AFF2: variants seen among roughly 807,000 people sequenced by gnomAD.
The protein encoded by AFF2 is AF4/FMR2 family member 2.
In AFF2, 14 loss-of-function variants were observed where a neutral mutation model predicts 76.9. The observed-to-expected ratio is 0.18, with a 90% CI of 0.12 to 0.28. The LOEUF is 0.28. Among genes scored for constraint, AFF2 ranks in the 10% least tolerant of loss-of-function variants. The pLI, the probability that AFF2 is intolerant of heterozygous loss-of-function variation, is 1.00. For synonymous variants in AFF2, 398 were observed against 366.7 expected (o/e 1.09, Z -0.98); for missense variants, 868 against 1,001.1 (o/e 0.87, Z 1.79).
At chrX:148,712,367 A>G (rs188486417) in intron 3 of AFF2, among the ~76,000 whole-genome samples, 297 of 111,790 alleles carry the variant, frequency 2.7e-3, no homozygotes, top group African/African-American at 8.4e-3. Context: ...TTGCATTTGT[A>G]AAGTTGTAAA....
At chrX:148,515,463 G>C (rs2052525052) in intron 1 of AFF2, among the ~76,000 whole-genome samples, 1 of 112,070 alleles carries the variant, frequency 8.9e-6, no homozygotes, top group African/African-American at 3.2e-5. Flanking sequence ...TTCATAAATA[G>C]GCAATGGATA....
chrX:148,979,271 T>C (rs782026969), intron 18 of AFF2, among the ~76,000 whole-genome samples: 1 of 112,310 alleles, frequency 8.9e-6, no homozygotes, highest in African/African-American at 3.2e-5. Flanking sequence ...TATGGCCTTA[T>C]GTGAAACATG....
At chrX:148,970,278 G>A (rs1346126741) in intron 15 of AFF2, among the ~76,000 whole-genome samples, 1 of 112,036 alleles carries the variant, frequency 8.9e-6, no homozygotes, top group Admixed American at 9.5e-5. Context: ...AACATTTATT[G>A]TAAAAAGTCA....
chrX:148,872,566 G>A (rs1259091051), intron 7 of AFF2, among the ~76,000 whole-genome samples: 11 of 111,812 alleles, frequency 9.8e-5, no homozygotes, highest in South Asian at 3.7e-4. Context: ...TGTCTATTCC[G>A]CGATGGTTAA....
intron 9 of AFF2, among the ~76,000 whole-genome samples, chrX:148,930,465 C>T (rs1427180448): frequency 8.9e-6 from 1 of 111,986 alleles, no homozygotes; most frequent in Non-Finnish European, 1.9e-5. Flanking sequence ...CTGAGCCAGC[C>T]TAGGCCATTG....
chrX:148,870,129 C>G (rs1406574609), intron 7 of AFF2, among the ~76,000 whole-genome samples: 4 of 111,288 alleles, frequency 3.6e-5, no homozygotes, highest in African/African-American at 1.3e-4. Flanking sequence ...CTGCACAGTT[C>G]TGTCCCATCC....
intron 3 of AFF2, among the ~76,000 whole-genome samples, chrX:148,705,415 G>T (rs1190944453): frequency 8.9e-6 from 1 of 112,207 alleles, no homozygotes; most frequent in Non-Finnish European, 1.9e-5. Flanking sequence ...CCAGGAGAAA[G>T]TGTATTATTT....
chrX:148,721,317 C>G (rs2055090101), intron 3 of AFF2, among the ~76,000 whole-genome samples: 1 of 112,011 alleles, frequency 8.9e-6, no homozygotes, highest in Non-Finnish European at 1.9e-5. Flanking sequence ...AACACTGGCT[C>G]TACCATTTAT....
At chrX:148,655,285 C>CTTTT (rs781858368) in intron 2 of AFF2, among the ~76,000 whole-genome samples, 3 of 102,214 alleles carry the variant, frequency 2.9e-5, no homozygotes, top group Admixed American at 1.1e-4. Flanking sequence ...AAACCTTGTC[C>CTTTT]TTTTTTTTTT....
At chrX:148,634,236 G>A (rs914507927) in intron 1 of AFF2, among the ~76,000 whole-genome samples, 5 of 111,909 alleles carry the variant, frequency 4.5e-5, no homozygotes, top group African/African-American at 1.6e-4. Flanking sequence ...ATTGGAAGAT[G>A]TATCATCATC....
chrX:148,912,303 G>A (rs782086360), intron 9 of AFF2, among the ~76,000 whole-genome samples: 8 of 111,785 alleles, frequency 7.2e-5, no homozygotes, highest in African/African-American at 2.6e-4. Flanking sequence ...CCCCCCATCA[G>A]GCCCTGGTGT....
At chrX:148,957,098 C>T in intron 11 of AFF2, among the ~76,000 whole-genome samples, 1 of 112,023 alleles carries the variant, frequency 8.9e-6, no homozygotes, top group Non-Finnish European at 1.9e-5. Context: ...AGCTGAATTC[C>T]AAGGCTATAA....
At chrX:148,877,460 A>G (rs1333429311) in intron 7 of AFF2, among the ~76,000 whole-genome samples, 1 of 112,769 alleles carries the variant, frequency 8.9e-6, no homozygotes, top group Non-Finnish European at 1.9e-5. Context: ...AGAGCTGAGC[A>G]TACAAATCAG....
At chrX:148,546,882 T>G (rs1557238234) in intron 1 of AFF2, 1 of 112,154 alleles carries the variant, frequency 8.9e-6, no homozygotes, top group Non-Finnish European at 1.9e-5. Flanking sequence ...AAAAAAGATA[T>G]TACTACTTTA....
In AFF2 at chrX:148,791,744, A is replaced by T. The variant is rs190796045; in HGVS notation, c.1042-18132A>T. ...AGCTCCACATTGTATTTTTTGTATG[A>T]TTAATTTGAAGTGATTGTATTGGCC... On this transcript the variant is annotated intron_variant, in intron 3 of 20. Transcript: ENST00000370460. Among the ~76,000 whole-genome samples, 268 of 111,631 alleles carry T rather than the reference A, an allele frequency of 2.4e-3. 3 individuals are homozygous for T. Among genetic ancestry groups the T allele is most frequent in the African/African-American group, 8.4e-3 (257 of 30,745 alleles).
chrX:148,649,210 T>C (rs2054178679), intron 1 of AFF2, among the ~76,000 whole-genome samples: 1 of 111,868 alleles, frequency 8.9e-6, no homozygotes. Context: ...ATTGAGTAGA[T>C]AAAGAGGTCC....
chrX:148,766,758 C>G (rs2069524599), intron 3 of AFF2, among the ~76,000 whole-genome samples: 1 of 111,435 alleles, frequency 9.0e-6, no homozygotes, highest in Non-Finnish European at 1.9e-5. Flanking sequence ...TCTGATCCAT[C>G]AAGGATTATT....
Position 148,689,537 on chromosome X carries a change from TC to T in AFF2, c.1041+26771del, listed in dbSNP as rs1243592162. On this transcript the variant is annotated intron_variant, in intron 3 of 20. Coordinates refer to ENST00000370460, the MANE Select transcript of AFF2 (RefSeq NM_002025.4). ...AAGTGTGTGTGGTCCCCAGGACCAC[TC>T]CTGGGCAATGAGTTTCTCTTTTTCT... Among the ~76,000 whole-genome samples, 3 of 110,833 alleles carry T rather than the reference TC, an allele frequency of 2.7e-5. No homozygotes were observed. In the East Asian group the frequency reaches 8.6e-4, roughly 32 times the overall value.
At chrX:148,665,300 A>G (rs1027869316) in intron 3 of AFF2, among the ~76,000 whole-genome samples, 1 of 112,276 alleles carries the variant, frequency 8.9e-6, no homozygotes, top group Admixed American at 9.4e-5. Flanking sequence ...AGCTGTCATC[A>G]GCTCTGGAGA....
Sources: allele counts gnomAD v4.1 joint callset (sites outside exome capture counted in the v4.1 genomes callset), GRCh38; gene constraint gnomAD v4.1.1; transcripts MANE v1.5; gene names NCBI Gene and HGNC (gene_info 2026-07-23, HGNC 2026-07-21).